Variants in CEP112 observed in about 807,000 individuals in gnomAD.
CEP112 encodes the protein centrosomal protein 112.
CEP112 carries 127 observed loss-of-function variants against 153.0 expected under a neutral mutation model. The ratio of observed to expected loss-of-function variants is 0.83; its 90% CI spans 0.72 to 0.96. The LOEUF (loss-of-function observed/expected upper bound fraction) is 0.96. Ranked by LOEUF, CEP112 falls within the 40% of genes least tolerant of loss-of-function variation. CEP112 has a pLI of 0.00. For synonymous variants in CEP112, 358 were observed against 374.4 expected (o/e 0.96, Z 0.51); for missense variants, 1,089 against 1,101.2 (o/e 0.99, Z 0.16).
intron 21 of CEP112, among the ~76,000 whole-genome samples, chr17:65,770,068 A>G (rs1026495193): frequency 6.6e-6 from 1 of 151,902 alleles, no homozygotes; most frequent in Non-Finnish European, 1.5e-5. Context: ...GTTTGGAAAA[A>G]TATTTGCAGA....
intron 19 of CEP112, among the ~76,000 whole-genome samples, chr17:65,906,392 A>G (rs1239765578): frequency 6.6e-6 from 1 of 152,142 alleles, no homozygotes; most frequent in East Asian, 1.9e-4. Flanking sequence ...GGTTCTGCAC[A>G]TGGATCCCAG....
intron 1 of CEP112, among the ~76,000 whole-genome samples, chr17:66,190,309 CAA>C (rs35433446): frequency 3.4e-5 from 4 of 119,308 alleles, no homozygotes; most frequent in African/African-American, 1.3e-4. Flanking sequence ...AGCTCCGTCT[CAA>C]AAAAAAAAAA....
At chr17:65,850,987 T>A (rs1250204259) in intron 21 of CEP112, among the ~76,000 whole-genome samples, 1 of 152,244 alleles carries the variant, frequency 6.6e-6, no homozygotes, top group Admixed American at 6.5e-5. Context: ...TCTCAGTCTA[T>A]GTAAAATCAA....
intron 4 of CEP112, among the ~76,000 whole-genome samples, chr17:66,147,953 C>T (rs749506042): frequency 6.6e-6 from 1 of 152,148 alleles, no homozygotes; most frequent in Non-Finnish European, 1.5e-5. Flanking sequence ...CCTCCAACTT[C>T]GTTTTTTTTC....
chr17:66,173,940 C>CT (rs1030612844), intron 4 of CEP112, among the ~76,000 whole-genome samples: 1 of 151,484 alleles, frequency 6.6e-6, no homozygotes, highest in Non-Finnish European at 1.5e-5. Context: ...TTTTTCTTTT[C>CT]TTTTTTTTGA....
At chr17:66,107,931 A>T (rs1055441822) in intron 6 of CEP112, among the ~76,000 whole-genome samples, 2 of 152,196 alleles carry the variant, frequency 1.3e-5, no homozygotes, top group African/African-American at 2.4e-5. Flanking sequence ...ACAGCATGGT[A>T]GTGGCATAAA....
At chr17:65,772,898 AATGATG>A (rs10587165) in intron 21 of CEP112, among the ~76,000 whole-genome samples, 72,664 of 151,656 alleles carry the variant, frequency 0.48, 19,074 homozygotes, top group East Asian at 0.78. Flanking sequence ...TAATGATGAT[AATGATG>A]ATGATGATGA....
At chr17:66,043,852 A>AC (rs2066089982) in intron 12 of CEP112, among the ~76,000 whole-genome samples, 2 of 152,224 alleles carry the variant, frequency 1.3e-5, no homozygotes, top group African/African-American at 4.8e-5. Flanking sequence ...TCAACAAAAA[A>AC]GAAAAAAGCC....
intron 21 of CEP112, among the ~76,000 whole-genome samples, chr17:65,831,962 G>A (rs1021084887): frequency 1.3e-5 from 2 of 152,052 alleles, no homozygotes; most frequent in African/African-American, 4.8e-5. Flanking sequence ...TTCAGCAAAG[G>A]CAAAAGAACC....
chr17:65,907,265 A>G (rs1296657602), intron 19 of CEP112, among the ~76,000 whole-genome samples: 1 of 152,208 alleles, frequency 6.6e-6, no homozygotes, highest in Non-Finnish European at 1.5e-5. Flanking sequence ...AGACTCATCA[A>G]TGATCATGCC....
intron 19 of CEP112, among the ~76,000 whole-genome samples, chr17:65,908,336 G>A (rs578047496): frequency 6.6e-6 from 1 of 152,276 alleles, no homozygotes; most frequent in Admixed American, 6.5e-5. Context: ...CTTGGTGGTT[G>A]GGGTTCATTG....
At chr17:65,778,827 AT>A (rs1310012406) in intron 21 of CEP112, among the ~76,000 whole-genome samples, 10 of 152,158 alleles carry the variant, frequency 6.6e-5, no homozygotes, top group Admixed American at 5.9e-4. Flanking sequence ...AAAATTGGAC[AT>A]AAATTTACCC....
chr17:65,648,220 G>C (rs1403652360), intron 24 of CEP112, among the ~76,000 whole-genome samples: 2 of 152,076 alleles, frequency 1.3e-5, no homozygotes, highest in African/African-American at 4.8e-5. Flanking sequence ...GCACCAAAGA[G>C]AGGGGCTTCC....
At chr17:66,001,277 G>A (rs2064036228) in intron 17 of CEP112, among the ~76,000 whole-genome samples, 1 of 152,156 alleles carries the variant, frequency 6.6e-6, no homozygotes, top group South Asian at 2.1e-4. Flanking sequence ...GTCTATTCAT[G>A]TCCTTTGCCC....
chr17:66,075,495 A>G (rs908024335), intron 8 of CEP112, among the ~76,000 whole-genome samples: 2 of 152,170 alleles, frequency 1.3e-5, no homozygotes, highest in Non-Finnish European at 2.9e-5. Context: ...AATAACTAAA[A>G]ATAAGGCAAG....
chr17:66,181,458 G>A (rs564195830), intron 2 of CEP112, among the ~76,000 whole-genome samples: 11 of 152,076 alleles, frequency 7.2e-5, no homozygotes, highest in Non-Finnish European at 8.8e-5. Context: ...CCATTCTCCT[G>A]CCTCAGCCTC....
At chr17:65,663,450 A>C (rs1420112317) in intron 24 of CEP112, among the ~76,000 whole-genome samples, 1 of 152,334 alleles carries the variant, frequency 6.6e-6, no homozygotes, top group South Asian at 2.1e-4. Flanking sequence ...TGTGGATCAC[A>C]TATGGCAACC....
chr17:65,659,372 T>C (rs1337061477), intron 24 of CEP112, among the ~76,000 whole-genome samples: 2 of 152,200 alleles, frequency 1.3e-5, no homozygotes, highest in African/African-American at 2.4e-5. Flanking sequence ...TTATAAATAA[T>C]CTAAACCTCT....
intron 21 of CEP112, among the ~76,000 whole-genome samples, chr17:65,806,782 C>T (rs758523030): frequency 6.6e-6 from 1 of 152,186 alleles, no homozygotes; most frequent in Non-Finnish European, 1.5e-5. Flanking sequence ...TCCTGTTAAG[C>T]CTGCAAAACT....
Sources: allele counts gnomAD v4.1 joint callset (sites outside exome capture counted in the v4.1 genomes callset), GRCh38; gene constraint gnomAD v4.1.1; transcripts MANE v1.5; gene names NCBI Gene and HGNC (gene_info 2026-07-23, HGNC 2026-07-21).